The following DPYD variants were observed in gnomAD, a reference collection of about 807,000 sequenced individuals.
The protein encoded by DPYD is dihydropyrimidine dehydrogenase [NADP(+)].
DPYD carries 109 observed loss-of-function variants against 116.2 expected under a neutral mutation model. The ratio of observed to expected loss-of-function variants is 0.94; its 90% CI spans 0.80 to 1.10. The LOEUF (loss-of-function observed/expected upper bound fraction) is 1.10, where lower values mean the gene tolerates loss of function less well. DPYD is among the 50% of genes least tolerant of loss of function. The pLI, the probability that DPYD is intolerant of heterozygous loss-of-function variation, is 0.00. For synonymous variants in DPYD, 440 were observed against 432.0 expected (o/e 1.02, Z -0.23); for missense variants, 1,302 against 1,254.5 (o/e 1.04, Z -0.57).
chr1:97,391,081 CCT>C (rs1037581857), intron 14 of DPYD, among the ~76,000 whole-genome samples: 163 of 110,424 alleles, frequency 1.5e-3, no homozygotes, highest in Middle Eastern at 5.8e-3. Flanking sequence ...TCTTTTTCTA[CCT>C]CTGTCAATTT....
At chr1:97,477,869 C>T (rs1244142146) in intron 13 of DPYD, among the ~76,000 whole-genome samples, 1 of 152,108 alleles carries the variant, frequency 6.6e-6, no homozygotes, top group Non-Finnish European at 1.5e-5. Context: ...ATCCACCCGC[C>T]TCGGCCTCCC....
intron 8 of DPYD, among the ~76,000 whole-genome samples, chr1:97,599,135 T>C (rs1655083276): frequency 6.6e-6 from 1 of 152,240 alleles, no homozygotes; most frequent in South Asian, 2.1e-4. Context: ...GTCAGCATTT[T>C]TGTTTTGTGA....
chr1:97,570,003 T>G (rs1570977607), intron 11 of DPYD, among the ~76,000 whole-genome samples: 1 of 152,122 alleles, frequency 6.6e-6, no homozygotes, highest in Non-Finnish European at 1.5e-5. Flanking sequence ...TATCCAAGTT[T>G]ATTTTATAAA....
At chr1:97,102,001 T>C (rs1225170294) in intron 20 of DPYD, among the ~76,000 whole-genome samples, 1 of 151,982 alleles carries the variant, frequency 6.6e-6, no homozygotes, top group African/African-American at 2.4e-5. Context: ...AAGCATTACA[T>C]TGCCGATAGA....
intron 3 of DPYD, among the ~76,000 whole-genome samples, chr1:97,780,178 T>C (rs1666657712): frequency 6.6e-6 from 1 of 152,214 alleles, no homozygotes; most frequent in Non-Finnish European, 1.5e-5. Flanking sequence ...CACCTTTGTG[T>C]TCTTTTCGAA....
intron 13 of DPYD, among the ~76,000 whole-genome samples, chr1:97,469,947 A>G (rs765951989): frequency 2.6e-5 from 4 of 152,196 alleles, no homozygotes; most frequent in Non-Finnish European, 5.9e-5. Context: ...GCCCTCAGCC[A>G]GGTCATTTTC....
At chr1:97,784,846 C>T (rs1666937382) in intron 3 of DPYD, among the ~76,000 whole-genome samples, 1 of 152,128 alleles carries the variant, frequency 6.6e-6, no homozygotes. Flanking sequence ...TAAATAGACA[C>T]TAACAAAGGT....
At chr1:97,493,121 C>T (rs1467440796) in intron 13 of DPYD, among the ~76,000 whole-genome samples, 1 of 152,184 alleles carries the variant, frequency 6.6e-6, no homozygotes, top group Non-Finnish European at 1.5e-5. Flanking sequence ...ATGCACTTCT[C>T]TGTTGTACAT....
At chr1:97,810,286 CAAA>C (rs71071672) in intron 3 of DPYD, among the ~76,000 whole-genome samples, 2 of 73,608 alleles carry the variant, frequency 2.7e-5, no homozygotes, top group African/African-American at 5.8e-5. Context: ...GACTCCATCT[CAAA>C]AAAAAAAAAA....
At chr1:97,648,678 C>A (rs1381345659) in intron 8 of DPYD, among the ~76,000 whole-genome samples, 1 of 151,962 alleles carries the variant, frequency 6.6e-6, no homozygotes, top group East Asian at 1.9e-4. Context: ...ACATGTTAAG[C>A]ATTTGTTTTA....
intron 8 of DPYD, among the ~76,000 whole-genome samples, chr1:97,621,949 A>C (rs140122752): frequency 2.8e-4 from 43 of 152,230 alleles, no homozygotes; most frequent in Non-Finnish European, 4.6e-4. Context: ...AAGTGATATT[A>C]GTTTACAGCA....
chr1:97,128,433 G>C (rs1008387937), intron 20 of DPYD, among the ~76,000 whole-genome samples: 3 of 152,116 alleles, frequency 2.0e-5, no homozygotes, highest in African/African-American at 7.2e-5. Context: ...AGTGTGGTTA[G>C]AGTTATCCGT....
Position 97,920,989 on chromosome 1 carries a change from G to A in DPYD, c.-67C>T, listed in dbSNP as rs1043057841. On this transcript the variant is annotated 5_prime_UTR_variant, in exon 1 of 23. Transcript: ENST00000370192. Reference sequence around the variant, plus strand: ...CTTGCGTCCTCAAGCTCCAGCCAGAGAGCCAAGTGACAGCAGCCGGAGCGC... The same window carrying A: ...CTTGCGTCCTCAAGCTCCAGCCAGAAAGCCAAGTGACAGCAGCCGGAGCGC... 3 of 1,545,364 alleles carry A rather than the reference G, an allele frequency of 1.9e-6. No homozygotes were observed. Among genetic ancestry groups the A allele is most frequent in the Non-Finnish European group, 2.6e-6 (3 of 1,141,238 alleles).
At chr1:97,253,053 A>G (rs1265555806) in intron 18 of DPYD, among the ~76,000 whole-genome samples, 2 of 152,222 alleles carry the variant, frequency 1.3e-5, no homozygotes, top group African/African-American at 2.4e-5. Flanking sequence ...CATATCCAGC[A>G]CAAACTGAAC....
intron 13 of DPYD, among the ~76,000 whole-genome samples, chr1:97,471,152 A>G (rs1327587731): frequency 6.6e-6 from 1 of 152,220 alleles, no homozygotes; most frequent in Non-Finnish European, 1.5e-5. Flanking sequence ...AGAGCCTTAT[A>G]TGCCTACTTC....
At position 97,649,284 on chromosome 1, in the gene DPYD, G is replaced by A. The variant is rs888104035; in HGVS notation, c.850+29811C>T. Among the ~76,000 whole-genome samples the A allele has an allele frequency of 5.3e-5, 8 of 152,108 alleles. No homozygotes were observed. In the East Asian group the frequency reaches 1.4e-3, roughly 26 times the overall value. On this transcript the variant is annotated intron_variant, in intron 8 of 22. Coordinates refer to ENST00000370192, the MANE Select transcript of DPYD (RefSeq NM_000110.4). ...TTTCAGCTACATAAGGAGCTCTCAAGGTGATCATGACTATTTCCATTTAAA... is the reference window on the plus strand; with the variant it reads ...TTTCAGCTACATAAGGAGCTCTCAAAGTGATCATGACTATTTCCATTTAAA...
At chr1:97,481,850 A>C (rs182846752) in intron 13 of DPYD, among the ~76,000 whole-genome samples, 6 of 152,280 alleles carry the variant, frequency 3.9e-5, no homozygotes, top group Admixed American at 3.9e-4. Flanking sequence ...AGAAAATTAT[A>C]ATCTCTACTC....
chr1:97,755,373 C>G (rs1303672852), intron 3 of DPYD, among the ~76,000 whole-genome samples: 3 of 152,178 alleles, frequency 2.0e-5, no homozygotes, highest in South Asian at 4.1e-4. Flanking sequence ...GCCTGGGCAA[C>G]TCTCCTAAAC....
At chr1:97,186,189 A>G (rs1657985425) in intron 20 of DPYD, among the ~76,000 whole-genome samples, 1 of 152,192 alleles carries the variant, frequency 6.6e-6, no homozygotes, top group South Asian at 2.1e-4. Flanking sequence ...TCTACATATA[A>G]TATTACCACA....
Sources: allele counts gnomAD v4.1 joint callset (sites outside exome capture counted in the v4.1 genomes callset), GRCh38; gene constraint gnomAD v4.1.1; transcripts MANE v1.5; gene names NCBI Gene and HGNC (gene_info 2026-07-23, HGNC 2026-07-21).